Variants in CAMTA1 observed in about 807,000 individuals in gnomAD.
CAMTA1 encodes the protein calmodulin-binding transcription activator 1.
CAMTA1 carries 27 observed loss-of-function variants against 170.9 expected under a neutral mutation model. That is an observed-to-expected ratio of 0.16 (90% CI 0.12 to 0.22). The LOEUF is 0.22. Ranked by LOEUF, CAMTA1 falls within the 10% of genes least tolerant of loss-of-function variation. The pLI is 1.00. For synonymous variants in CAMTA1, 833 were observed against 891.5 expected (o/e 0.93, Z 1.17); for missense variants, 1,619 against 2,217.2 (o/e 0.73, Z 5.42).
intron 7 of CAMTA1, among the ~76,000 whole-genome samples, chr1:7,651,285 G>GA (rs1168819922): frequency 7.9e-5 from 12 of 152,196 alleles, no homozygotes; most frequent in Non-Finnish European, 2.9e-5. Flanking sequence ...CAGCCCTCCA[G>GA]AAAAGGACAC....
Position 7,325,485 on chromosome 1 carries a change from C to A in CAMTA1, c.438+75859C>A, listed in dbSNP as rs191777835. ...CGTTCAAAGACAGCAAGGAAGCCAG[C>A]GTGGCAGGGCCAGCTAGGATGCTAA... On this transcript the variant is annotated intron_variant, in intron 5 of 22. Transcript: ENST00000303635. This position sits in a 1 kb window ranked among gnomAD's most constrained non-coding sequence, Gnocchi z 5.0. Among the ~76,000 whole-genome samples the A allele has an allele frequency of 1.3e-5, 2 of 152,160 alleles. No individual in the cohort carries two copies. Among genetic ancestry groups the A allele is most frequent in the Non-Finnish European group, 1.5e-5 (1 of 68,022 alleles).
chr1:7,256,363 AC>A (rs1260053864), intron 5 of CAMTA1, among the ~76,000 whole-genome samples: 1 of 151,970 alleles, frequency 6.6e-6, no homozygotes, highest in Non-Finnish European at 1.5e-5. Flanking sequence ...ATCGAGACCA[AC>A]CTGGCTAACA....
At chr1:7,268,623 C>A (rs914076566) in intron 5 of CAMTA1, among the ~76,000 whole-genome samples, 1 of 152,094 alleles carries the variant, frequency 6.6e-6, no homozygotes, top group African/African-American at 2.4e-5. Flanking sequence ...CCTACCCTAA[C>A]AAAGCGTATA....
chr1:7,243,767 A>G (rs10159365), intron 4 of CAMTA1, among the ~76,000 whole-genome samples: 74,602 of 152,018 alleles, frequency 0.49, 20,542 homozygotes, highest in South Asian at 0.63. Flanking sequence ...TCTGTGAAGA[A>G]AGTCATTGGT....
intron 5 of CAMTA1, among the ~76,000 whole-genome samples, chr1:7,364,181 A>G (rs1310688942): frequency 6.6e-6 from 1 of 152,206 alleles, no homozygotes; most frequent in African/African-American, 2.4e-5. Flanking sequence ...TGCTGACTCT[A>G]TGCAGGTGGT....
At chr1:7,177,459 C>A in intron 4 of CAMTA1, among the ~76,000 whole-genome samples, 1 of 149,964 alleles carries the variant, frequency 6.7e-6, no homozygotes, top group East Asian at 2.0e-4. Context: ...AGGCCCCTCC[C>A]ACACCCTGAG....
intron 6 of CAMTA1, among the ~76,000 whole-genome samples, chr1:7,490,164 A>T (rs1338778800): frequency 1.3e-5 from 2 of 152,176 alleles, no homozygotes; most frequent in Non-Finnish European, 2.9e-5. Flanking sequence ...CACATCCAGG[A>T]CCAGCCTGTC....
chr1:7,209,891 C>G (rs1658443209), intron 4 of CAMTA1, among the ~76,000 whole-genome samples: 1 of 152,108 alleles, frequency 6.6e-6, no homozygotes, highest in Non-Finnish European at 1.5e-5. Flanking sequence ...TCCCATATGC[C>G]CTTCACGCAG....
intron 1 of CAMTA1, among the ~76,000 whole-genome samples, chr1:6,797,332 A>T (rs1173240288): frequency 6.6e-6 from 1 of 151,802 alleles, no homozygotes; most frequent in Non-Finnish European, 1.5e-5. Context: ...AAGTGCTGGG[A>T]TGACAAGCAT....
At chr1:7,132,913 A>G (rs1471133008) in intron 4 of CAMTA1, among the ~76,000 whole-genome samples, 2 of 152,152 alleles carry the variant, frequency 1.3e-5, no homozygotes, top group African/African-American at 4.8e-5. Flanking sequence ...AATTACCTTA[A>G]TTGATTTTCA....
At chr1:7,176,233 A>C (rs1650795917) in intron 4 of CAMTA1, among the ~76,000 whole-genome samples, 1 of 152,216 alleles carries the variant, frequency 6.6e-6, no homozygotes, top group African/African-American at 2.4e-5. Flanking sequence ...TTAAAGTGAG[A>C]TGCACTTGTC....
rs189768371 is a variant in CAMTA1 at position 7,636,601 on chromosome 1, C to T, written c.511-3799C>T. The stretch of plus-strand genomic sequence containing the variant: ...GCAGATGCCTGTAATCCCAGCTGCT[C>T]GGGAGGCTGAGGCAGGAGAATTGCT... On this transcript the variant is annotated intron_variant, in intron 6 of 22. Transcript: ENST00000303635. Among the ~76,000 whole-genome samples, 515 of 151,868 alleles carry T rather than the reference C, an allele frequency of 3.4e-3. 2 individuals are homozygous for T. Among genetic ancestry groups the T allele is most frequent in the Non-Finnish European group, 5.3e-3 (362 of 67,964 alleles).
intron 5 of CAMTA1, among the ~76,000 whole-genome samples, chr1:7,291,636 A>T (rs1029631145): frequency 6.6e-6 from 1 of 152,256 alleles, no homozygotes; most frequent in Admixed American, 6.5e-5. Flanking sequence ...ATATCACAGC[A>T]ACAGCACTCA....
At chr1:7,275,459 A>G (rs1224462386) in intron 5 of CAMTA1, among the ~76,000 whole-genome samples, 1 of 152,052 alleles carries the variant, frequency 6.6e-6, no homozygotes, top group Non-Finnish European at 1.5e-5. Flanking sequence ...AATAGAAAAC[A>G]TTAATAAAAC....
chr1:7,030,501 T>A (rs1702633615), intron 3 of CAMTA1, among the ~76,000 whole-genome samples: 1 of 152,234 alleles, frequency 6.6e-6, no homozygotes, highest in African/African-American at 2.4e-5. Flanking sequence ...GCACAAGTTT[T>A]TCCCAATTCT....
intron 3 of CAMTA1, among the ~76,000 whole-genome samples, chr1:7,052,697 A>T (rs1706608751): frequency 6.6e-6 from 1 of 151,956 alleles, no homozygotes; most frequent in Admixed American, 6.5e-5. Context: ...CCCGCCCAGT[A>T]CCTGGTTCTC....
At chr1:6,922,089 T>G (rs150359551) in intron 3 of CAMTA1, among the ~76,000 whole-genome samples, 2 of 152,342 alleles carry the variant, frequency 1.3e-5, no homozygotes, top group African/African-American at 2.4e-5. Flanking sequence ...ACAAAATATT[T>G]CTTCAGTTGA....
chr1:7,151,454 C>A (rs1646573880), intron 4 of CAMTA1, among the ~76,000 whole-genome samples: 1 of 152,198 alleles, frequency 6.6e-6, no homozygotes, highest in Non-Finnish European at 1.5e-5. Flanking sequence ...CTGGTGACCC[C>A]ACCAGCTCCT....
chr1:7,082,652 T>C (rs1640188158), intron 3 of CAMTA1, among the ~76,000 whole-genome samples: 1 of 152,166 alleles, frequency 6.6e-6, no homozygotes, highest in African/African-American at 2.4e-5. Context: ...GGACTCTCAT[T>C]ACTTTATATT....
Sources: allele counts gnomAD v4.1 joint callset (sites outside exome capture counted in the v4.1 genomes callset), GRCh38; gene constraint gnomAD v4.1.1; non-coding constraint Gnocchi (gnomAD v3.1); transcripts MANE v1.5; gene names NCBI Gene and HGNC (gene_info 2026-07-23, HGNC 2026-07-21).